RP1: variants seen among roughly 807,000 people sequenced by gnomAD.
RP1 encodes RP1 axonemal microtubule associated.
RP1 carries 16 observed loss-of-function variants against 14.8 expected under a neutral mutation model. The observed-to-expected ratio is 1.08, with a 90% CI of 0.73 to 1.65. The LOEUF is 1.65. Ranked by LOEUF, RP1 falls within the 40% of genes most tolerant of loss-of-function variation. The pLI, the probability that RP1 is intolerant of heterozygous loss-of-function variation, is 0.00. For missense variants in RP1, 2,631 were observed against 2,535.0 expected (o/e 1.04, Z -0.81); for synonymous variants, 876 against 883.6 (o/e 0.99, Z 0.15).
At chr8:54,807,770 A>T (rs890937870) in intron 24 of RP1, among the ~76,000 whole-genome samples, 1 of 152,146 alleles carries the variant, frequency 6.6e-6, no homozygotes, top group Non-Finnish European at 1.5e-5. Context: ...GTAGATTCAA[A>T]TACTGCAGTG....
chr8:54,617,119 T>A (rs1186605769), intron 1 of RP1, among the ~76,000 whole-genome samples: 1 of 152,184 alleles, frequency 6.6e-6, no homozygotes, highest in Non-Finnish European at 1.5e-5. Flanking sequence ...AAGCGGATTT[T>A]AAGGCAAAAA....
At chr8:54,649,175 G>A in intron 4 of RP1, 3 of 1,435,906 alleles carry the variant, frequency 2.1e-6, no homozygotes, top group Non-Finnish European at 2.7e-6. Flanking sequence ...AGTATAAACT[G>A]TTAATATAAG....
chr8:54,646,443 A>G (rs1408911549), intron 3 of RP1, among the ~76,000 whole-genome samples: 1 of 152,160 alleles, frequency 6.6e-6, no homozygotes, highest in Non-Finnish European at 1.5e-5. Flanking sequence ...TACCTCATAT[A>G]GATTACAAGC....
chr8:54,865,458 T>A (rs1055330015), intron 27 of RP1, among the ~76,000 whole-genome samples: 1 of 152,102 alleles, frequency 6.6e-6, no homozygotes, highest in Non-Finnish European at 1.5e-5. Flanking sequence ...ATTTTCACTA[T>A]TAAGAATGAT....
chr8:54,573,604 G>A (rs560384881), intron 1 of RP1, among the ~76,000 whole-genome samples: 12 of 152,036 alleles, frequency 7.9e-5, no homozygotes, highest in Middle Eastern at 3.4e-3. Context: ...AGAATTTTCC[G>A]TTTTGCAAAA....
chr8:54,866,314 G>T (rs527380945), intron 28 of RP1, among the ~76,000 whole-genome samples: 9 of 152,188 alleles, frequency 5.9e-5, no homozygotes, highest in African/African-American at 1.2e-4. Context: ...TAGTTCATTT[G>T]AATCATTTAA....
At chr8:54,864,251 T>G (rs1207992601) in intron 27 of RP1, among the ~76,000 whole-genome samples, 1 of 152,124 alleles carries the variant, frequency 6.6e-6, no homozygotes, top group Non-Finnish European at 1.5e-5. Flanking sequence ...CTTAAAGGAA[T>G]TCTGAGATAT....
chr8:54,777,960 G>A (rs1393774342), intron 23 of RP1, among the ~76,000 whole-genome samples: 2 of 152,178 alleles, frequency 1.3e-5, no homozygotes, highest in Non-Finnish European at 2.9e-5. Flanking sequence ...TTTGTTAATT[G>A]ATAAATAGTT....
At chr8:54,734,183 G>T (rs1808857676) in intron 17 of RP1, among the ~76,000 whole-genome samples, 1 of 151,946 alleles carries the variant, frequency 6.6e-6, no homozygotes, top group South Asian at 2.1e-4. Flanking sequence ...TTATATGGTG[G>T]TAGTTCTATA....
intron 1 of RP1, among the ~76,000 whole-genome samples, chr8:54,567,368 C>T (rs1002259758): frequency 6.6e-6 from 1 of 152,028 alleles, no homozygotes; most frequent in African/African-American, 2.4e-5. Flanking sequence ...TAATACCTTT[C>T]AGGAAACTAC....
At chr8:54,673,152 G>A (rs1012807685) in intron 7 of RP1, among the ~76,000 whole-genome samples, 5 of 152,136 alleles carry the variant, frequency 3.3e-5, no homozygotes, top group Non-Finnish European at 5.9e-5. Flanking sequence ...TCCTGGATCT[G>A]TGCGTCAACT....
At chr8:54,617,560 A>T (rs1805749831) in intron 1 of RP1, among the ~76,000 whole-genome samples, 1 of 152,296 alleles carries the variant, frequency 6.6e-6, no homozygotes, top group Non-Finnish European at 1.5e-5. Context: ...CACCAGGTAA[A>T]TGGTGTACCA....
At chr8:54,642,997 C>CTT (rs1053575233) in intron 3 of RP1, among the ~76,000 whole-genome samples, 4 of 150,374 alleles carry the variant, frequency 2.7e-5, no homozygotes, top group Non-Finnish European at 4.4e-5. Context: ...CTTGTGTTCT[C>CTT]TTTTTTTTTA....
exon 4 of RP1, chr8:54,649,025 A>G: frequency 1.3e-6 from 2 of 1,526,376 alleles, no homozygotes; most frequent in Non-Finnish European, 1.7e-6. Context: ...GTGACTTGCC[A>G]GATGCAGGGA....
intron 24 of RP1, among the ~76,000 whole-genome samples, chr8:54,817,755 G>A (rs1219926532): frequency 6.6e-6 from 1 of 152,002 alleles, no homozygotes; most frequent in African/African-American, 2.4e-5. Context: ...TATTCCATCT[G>A]TTAATTTTAC....
chr8:54,582,061 A>G (rs1290436608), intron 1 of RP1, among the ~76,000 whole-genome samples: 1 of 152,120 alleles, frequency 6.6e-6, no homozygotes, highest in Non-Finnish European at 1.5e-5. Flanking sequence ...GATGTTTTAG[A>G]CATGAAGTGC....
At chr8:54,723,380 C>T (rs1808579549) in intron 16 of RP1, among the ~76,000 whole-genome samples, 1 of 151,890 alleles carries the variant, frequency 6.6e-6, no homozygotes, top group Non-Finnish European at 1.5e-5. Context: ...TTGCATATTT[C>T]CTTTCTCTGT....
intron 24 of RP1, among the ~76,000 whole-genome samples, chr8:54,835,103 G>A (rs1204119017): frequency 7.3e-6 from 1 of 136,132 alleles, no homozygotes; most frequent in African/African-American, 2.6e-5. Context: ...TGGAGTCACT[G>A]TCCTTTTTTT....
chr8:54,703,260 G>A (rs1006121448), intron 14 of RP1, among the ~76,000 whole-genome samples: 25 of 152,182 alleles, frequency 1.6e-4, no homozygotes, highest in African/African-American at 5.5e-4. Context: ...AAATAATAAG[G>A]CTTGAAAATT....
Sources: gnomAD v4.1 joint callset for allele counts (sites outside exome capture counted in the v4.1 genomes callset) on GRCh38, gnomAD v4.1.1 for gene constraint, MANE v1.5 for transcripts, NCBI Gene and HGNC (gene_info 2026-07-23, HGNC 2026-07-21) for gene names.